Variants in SEMA5B observed in about 807,000 individuals in gnomAD.
The protein encoded by SEMA5B is semaphorin-5B.
In SEMA5B, 66 loss-of-function variants were observed where a neutral mutation model predicts 135.0. The ratio of observed to expected loss-of-function variants is 0.49; its 90% CI spans 0.40 to 0.60. The LOEUF (loss-of-function observed/expected upper bound fraction) is 0.60, where lower values mean the gene tolerates loss of function less well. SEMA5B is among the 20% of genes least tolerant of loss of function. The pLI is 0.00. For synonymous variants in SEMA5B, 690 were observed against 639.5 expected (o/e 1.08, Z -1.19); for missense variants, 1,501 against 1,566.3 (o/e 0.96, Z 0.70).
chr3:122,924,329 A>G (rs1403228416), intron 9 of SEMA5B, among the ~76,000 whole-genome samples: 1 of 152,110 alleles, frequency 6.6e-6, no homozygotes, highest in African/African-American at 2.4e-5. Flanking sequence ...CCACCATACC[A>G]AACGCCTCCA....
At chr3:122,928,750 G>A (rs994334746) in intron 6 of SEMA5B, 135 bp from the exon 7 acceptor site, 53 of 761,896 alleles carry the variant, frequency 7.0e-5, no homozygotes, top group East Asian at 6.8e-4. Flanking sequence ...CACCTGTCCC[G>A]ACGTCCGGGT....
At chr3:122,966,087 T>C (rs193033135) in intron 1 of SEMA5B, among the ~76,000 whole-genome samples, 30 of 152,330 alleles carry the variant, frequency 2.0e-4, no homozygotes, top group Admixed American at 1.6e-3. Flanking sequence ...CAGAAGGCCA[T>C]GCTGGAACAC....
chr3:122,946,558 T>C (rs1939799115), intron 3 of SEMA5B, among the ~76,000 whole-genome samples: 1 of 152,102 alleles, frequency 6.6e-6, no homozygotes, highest in Admixed American at 6.5e-5. Flanking sequence ...CCAGCATGAA[T>C]TGAGTCCCTA....
intron 1 of SEMA5B, chr3:122,976,168 T>C: frequency 1.3e-6 from 2 of 1,526,880 alleles, no homozygotes; most frequent in Non-Finnish European, 1.8e-6. Flanking sequence ...TGTTGGGCTG[T>C]GCAGATGCAA....
At chr3:123,008,030 T>A (rs554641134) in intron 1 of SEMA5B, among the ~76,000 whole-genome samples, 1 of 152,350 alleles carries the variant, frequency 6.6e-6, no homozygotes, top group South Asian at 2.1e-4. Context: ...AACTCATTAA[T>A]GAGGAATAGC....
intron 4 of SEMA5B, among the ~76,000 whole-genome samples, chr3:122,940,637 G>A (rs750040048): frequency 1.3e-5 from 2 of 152,228 alleles, no homozygotes; most frequent in East Asian, 1.9e-4. Context: ...GAGAAAGAGG[G>A]CCCCTGCTGA....
chr3:122,993,558 T>C (rs1941940177), intron 1 of SEMA5B, among the ~76,000 whole-genome samples: 1 of 151,856 alleles, frequency 6.6e-6, no homozygotes, highest in South Asian at 2.1e-4. Context: ...AGAGACTGTA[T>C]GTGTGCATGT....
intron 1 of SEMA5B, among the ~76,000 whole-genome samples, chr3:122,999,319 C>T (rs186403783): frequency 6.6e-5 from 10 of 152,176 alleles, no homozygotes; most frequent in East Asian, 1.9e-4. Flanking sequence ...ATCTGCCTCC[C>T]GGGTTCAAGC....
chr3:122,940,165 T>C (rs1939490504), intron 4 of SEMA5B, among the ~76,000 whole-genome samples: 2 of 152,194 alleles, frequency 1.3e-5, no homozygotes, highest in Non-Finnish European at 2.9e-5. Context: ...TCAAACAGTT[T>C]TCACCTTCAG....
intron 1 of SEMA5B, among the ~76,000 whole-genome samples, chr3:123,006,019 A>G (rs979414273): frequency 1.3e-5 from 2 of 152,224 alleles, no homozygotes; most frequent in East Asian, 1.9e-4. Context: ...GAGATGGATA[A>G]TGCTTGCCTT....
intron 5 of SEMA5B, among the ~76,000 whole-genome samples, chr3:122,931,636 T>C (rs914580604): frequency 2.6e-5 from 4 of 152,266 alleles, no homozygotes; most frequent in Non-Finnish European, 4.4e-5. Flanking sequence ...CTCTTCTGAA[T>C]CACTTTTTAG....
At chr3:123,023,320 C>T (rs1258393878) in intron 1 of SEMA5B, among the ~76,000 whole-genome samples, 1 of 130,450 alleles carries the variant, frequency 7.7e-6, no homozygotes, top group Non-Finnish European at 1.5e-5. Flanking sequence ...TAACTATTTC[C>T]AGCACACACA....
At chr3:123,021,712 C>G (rs576165682) in intron 1 of SEMA5B, among the ~76,000 whole-genome samples, 1 of 152,340 alleles carries the variant, frequency 6.6e-6, no homozygotes, top group African/African-American at 2.4e-5. Flanking sequence ...TACATCAGCT[C>G]TGGCAGGGAA....
At position 122,927,816 on chromosome 3, in the gene SEMA5B, G is replaced by T. The variant is rs1407322605; in HGVS notation, c.824C>A (p.Ala275Asp). 2 of 1,502,862 alleles carry T rather than the reference G, an allele frequency of 1.3e-6. No homozygotes were observed. The highest frequency in any genetic ancestry group is 1.3e-5 in the South Asian group (1 of 74,126). The allele number at this position is 1,502,862 out of a possible 1,614,324, so 93.1% of individuals were successfully genotyped here. ...SLGSGPPLRT[A>D]QYNSKWLNEP... The stretch of plus-strand genomic sequence containing the variant: ...ATTAAGCCACTTGGAGTTATATTGG[G>T]CAGTGCGAAGCGGTGGCCCACTGCC... Residue 275 changes from alanine (A) to aspartate (D), a missense_variant, in exon 8 of 23, where the codon GCC becomes GAC. By Grantham distance (126) the Ala-to-Asp change is moderately radical. Coordinates refer to ENST00000357599, the MANE Select transcript of SEMA5B (RefSeq NM_001031702.4).
At position 122,911,439 on chromosome 3, in the gene SEMA5B, G is replaced by A. The variant is rs1454924744; in HGVS notation, c.3091+52C>T. 5 of 1,583,698 alleles carry A rather than the reference G, an allele frequency of 3.2e-6. No individual in the cohort carries two copies. The Admixed American group carries it at 7.5e-5, about 24-fold the overall frequency. ...GAAAGAGTCCAGACTTTGGAGTGGG[G>A]TGCCGGAGGGCTGGGAGGACCGCAG... On this transcript the variant is annotated intron_variant, in intron 21 of 22. Transcript: ENST00000357599.
At position 122,963,219 on chromosome 3, in the gene SEMA5B, G is replaced by T. The variant is rs569326166; in HGVS notation, c.-38-1918C>A. ...TTAGAGATAAGAATCCAAACTGGCCGAGTGCAGTGGCTCATGCCTGTAATC... is the reference window on the plus strand; with the variant it reads ...TTAGAGATAAGAATCCAAACTGGCCTAGTGCAGTGGCTCATGCCTGTAATC... On this transcript the variant is annotated intron_variant, in intron 1 of 22. Transcript: ENST00000357599. 3.3e-5 allele frequency among the ~76,000 whole-genome samples: 5 copies of T among 152,280 alleles called. No homozygotes were observed. The South Asian group carries it at 1.0e-3, about 32-fold the overall frequency.
intron 1 of SEMA5B, among the ~76,000 whole-genome samples, chr3:122,997,518 T>TCTCCCCCCC (rs764169923): frequency 5.5e-4 from 78 of 142,776 alleles, no homozygotes; most frequent in Non-Finnish European, 7.7e-4. Context: ...CCCAGGCCTC[T>TCTCCCCCCC]CCCCCCCCCG....
At chr3:122,980,214 A>G (rs1941473886) in intron 1 of SEMA5B, among the ~76,000 whole-genome samples, 1 of 152,130 alleles carries the variant, frequency 6.6e-6, no homozygotes. Flanking sequence ...TAATCCCAGC[A>G]CTTTGGGAGG....
chr3:123,011,175 G>A (rs1560443259), intron 1 of SEMA5B, among the ~76,000 whole-genome samples: 3 of 152,330 alleles, frequency 2.0e-5, no homozygotes, highest in East Asian at 1.9e-4. Context: ...CATCAGAGCG[G>A]CAGAGGAATG....
Sources: gnomAD v4.1 joint callset for allele counts (sites outside exome capture counted in the v4.1 genomes callset) on GRCh38, gnomAD v4.1.1 for gene constraint, MANE v1.5 for transcripts, NCBI Gene and HGNC (gene_info 2026-07-23, HGNC 2026-07-21) for gene names.